COL14A1: variants seen among roughly 807,000 people sequenced by gnomAD.
COL14A1 encodes collagen type XIV alpha 1 chain, also known as collagen alpha-1(XIV) chain.
A neutral mutation model predicts 230.3 loss-of-function variants in COL14A1; 136 were observed. The observed-to-expected ratio is 0.59, with a 90% CI of 0.51 to 0.68. The LOEUF is 0.68. COL14A1 is among the 30% of genes least tolerant of loss of function. The pLI is 0.00. For synonymous variants in COL14A1, 792 were observed against 784.1 expected, an observed-to-expected ratio of 1.01 and a Z score of -0.17; for missense variants, 1,976 against 2,215.8, an observed-to-expected ratio of 0.89 and a Z score of 2.17.
chr8:120,336,806 C>G (rs754846287), intron 42 of COL14A1, among the ~76,000 whole-genome samples: 2 of 152,132 alleles, frequency 1.3e-5, no homozygotes, highest in Admixed American at 6.5e-5. Flanking sequence ...TTTGGGGATG[C>G]TAACAACCTA....
intron 14 of COL14A1, among the ~76,000 whole-genome samples, chr8:120,223,965 A>C (rs1354010607): frequency 1.3e-5 from 2 of 149,294 alleles, no homozygotes; most frequent in African/African-American, 2.5e-5. Context: ...TCAGTGACAA[A>C]GCTGCATCTG....
At chr8:120,235,942 A>T (rs1321944833) in intron 19 of COL14A1, among the ~76,000 whole-genome samples, 4 of 152,176 alleles carry the variant, frequency 2.6e-5, no homozygotes, top group African/African-American at 9.7e-5. Flanking sequence ...TGAGTTTCTT[A>T]ATCCTGAGTT....
At chr8:120,317,837 T>A (rs1197444854) in intron 40 of COL14A1, among the ~76,000 whole-genome samples, 1 of 152,236 alleles carries the variant, frequency 6.6e-6, no homozygotes, top group Non-Finnish European at 1.5e-5. Flanking sequence ...AATAAAGTGA[T>A]AAGATATGTG....
intron 14 of COL14A1, among the ~76,000 whole-genome samples, chr8:120,218,791 C>T (rs1267703865): frequency 6.6e-6 from 1 of 152,180 alleles, no homozygotes; most frequent in African/African-American, 2.4e-5. Context: ...CCAGTCTCAG[C>T]TTCTACTTAT....
chr8:120,168,329 G>T (rs966326521), intron 5 of COL14A1, 82 bp downstream of exon 5: 93 of 993,134 alleles, frequency 9.4e-5, no homozygotes, highest in Non-Finnish European at 1.3e-4. Flanking sequence ...GGGGTTGCTG[G>T]TCCCATCTAA....
rs147202135 is a variant in COL14A1 at position 120,168,460 on chromosome 8, G to A, written c.436+213G>A. On this transcript the variant is annotated intron_variant, in intron 5 of 47. Transcript: ENST00000297848. The stretch of plus-strand genomic sequence containing the variant: ...TTTCAGGCACCTTTCTCAGAATGGT[G>A]CATATATGTACAGCCTGTCATATTT... Among the ~76,000 whole-genome samples the A allele has an allele frequency of 4.7e-3, 715 of 152,222 alleles. 3 individuals are homozygous for A. The highest frequency in any genetic ancestry group is 0.017 in the African/African-American group (689 of 41,544).
chr8:120,133,828 T>C (rs1392060326), intron 1 of COL14A1, among the ~76,000 whole-genome samples: 1 of 151,934 alleles, frequency 6.6e-6, no homozygotes, highest in Non-Finnish European at 1.5e-5. Flanking sequence ...ATTTGGAAGG[T>C]AAGAAGAAAG....
At chr8:120,213,961 A>G in intron 13 of COL14A1, 1 of 420,282 alleles carries the variant, frequency 2.4e-6, no homozygotes, top group Admixed American at 2.8e-5. Context: ...AGATTCACTA[A>G]CTCCTACAAG....
chr8:120,301,876 T>C (rs895516067), intron 36 of COL14A1, among the ~76,000 whole-genome samples: 2 of 152,120 alleles, frequency 1.3e-5, no homozygotes, highest in Non-Finnish European at 2.9e-5. Flanking sequence ...GTTATTTCTT[T>C]ATGTTTTAAT....
chr8:120,322,194 AG>A (rs200484484), intron 40 of COL14A1, among the ~76,000 whole-genome samples: 2 of 136,000 alleles, frequency 1.5e-5, no homozygotes, highest in African/African-American at 2.8e-5. Context: ...GGACACAGGG[AG>A]GGGGAAAACA....
At position 120,345,374 on chromosome 8, in the gene COL14A1, G is replaced by T; in HGVS notation, c.4889-1G>T. 2 of 1,581,320 alleles carry T rather than the reference G, an allele frequency of 1.3e-6. No individual in the cohort carries two copies. Among genetic ancestry groups the T allele is most frequent in the East Asian group, 2.4e-5 (1 of 42,404 alleles). ...TGCTGTCTTTATGCTTCATACCTCA[G>T]GTCACATGGCCAGGTACACTGCCAT... On this transcript the variant is annotated splice_acceptor_variant, in intron 44 of 47. Transcript: ENST00000297848. LOFTEE classifies it high-confidence loss of function.
At chr8:120,247,396 C>T (rs1394775576) in intron 20 of COL14A1, among the ~76,000 whole-genome samples, 1 of 150,324 alleles carries the variant, frequency 6.7e-6, no homozygotes, top group African/African-American at 2.5e-5. Context: ...GCACTCCAGC[C>T]TGGGTGACAG....
intron 45 of COL14A1, among the ~76,000 whole-genome samples, chr8:120,348,885 A>C (rs1822639050): frequency 6.6e-6 from 1 of 152,226 alleles, no homozygotes; most frequent in Non-Finnish European, 1.5e-5. Context: ...AATTATTTTT[A>C]CCCTTCCTGT....
Position 120,371,237 on chromosome 8 carries a change from TC to T in COL14A1, c.*7del. The T allele has an allele frequency of 6.2e-7, 1 of 1,604,160 alleles. No homozygotes were observed. Among genetic ancestry groups the T allele is most frequent in the South Asian group, 1.1e-5 (1 of 89,464 alleles). ...TGTGGGGCCCTGGAGTCTGATAGCC[TC>T]AGGAGAAATTTGAAGACCAACTGCA... On this transcript the variant is annotated 3_prime_UTR_variant, in exon 48 of 48. Coordinates refer to ENST00000297848, the MANE Select transcript of COL14A1 (RefSeq NM_021110.4).
intron 44 of COL14A1, among the ~76,000 whole-genome samples, chr8:120,344,802 T>C (rs2130283496): frequency 6.6e-6 from 1 of 152,336 alleles, no homozygotes; most frequent in Admixed American, 6.5e-5. Flanking sequence ...TCTGTATATA[T>C]ATTTTCCATA....
chr8:120,289,875 AATGG>A, intron 34 of COL14A1, 109 bp downstream of exon 34: 1 of 1,119,208 alleles, frequency 8.9e-7, no homozygotes, highest in Admixed American at 2.6e-5. Flanking sequence ...TGAATGGATA[AATGG>A]ATGGATGAAT....
intron 36 of COL14A1, among the ~76,000 whole-genome samples, chr8:120,308,220 G>A (rs1242840992): frequency 2.0e-5 from 3 of 152,228 alleles, no homozygotes; most frequent in Non-Finnish European, 4.4e-5. Flanking sequence ...AACTTCAAGT[G>A]ATCCACCCGC....
intron 23 of COL14A1, among the ~76,000 whole-genome samples, chr8:120,255,677 G>T (rs1449296998): frequency 6.6e-6 from 1 of 152,110 alleles, no homozygotes; most frequent in Non-Finnish European, 1.5e-5. Flanking sequence ...CCCCAAAAAT[G>T]TTAGCAGCCA....
rs981933250 is a variant in COL14A1, at chr8:120,266,870, A to G, written c.3060A>G (p.Pro1020=). 1.2e-6 allele frequency: 2 copies of G among 1,611,392 alleles called. No individual in the cohort carries two copies. The highest frequency in any genetic ancestry group is 2.7e-5 in the African/African-American group (2 of 74,740). ...CACCAACTTTTCCTCCAACCATTCC[A>G]CCAGCAAAAGAAGGTAAAAGAATAA... ...TRPPTFPPTI[P]PAKEVCKAAK... is the part of the protein sequence containing the mutation. Residue 1020 remains proline, a synonymous_variant, in exon 25 of 48, where the codon CCA becomes CCG. Coordinates refer to ENST00000297848, the MANE Select transcript of COL14A1 (RefSeq NM_021110.4).
Sources: allele counts gnomAD v4.1 joint callset (sites outside exome capture counted in the v4.1 genomes callset), GRCh38; gene constraint gnomAD v4.1.1; transcripts MANE v1.5; gene names NCBI Gene and HGNC (gene_info 2026-07-23, HGNC 2026-07-21).